The following RAB2A variants were observed in gnomAD, a reference collection of about 807,000 sequenced individuals.
RAB2A encodes the protein RAB2A, member RAS oncogene family.
In RAB2A, 7 loss-of-function variants were observed where a neutral mutation model predicts 32.5. The observed-to-expected ratio is 0.22, with a 90% CI of 0.12 to 0.40. RAB2A has a LOEUF of 0.40. Among genes scored for constraint, RAB2A ranks in the 10% least tolerant of loss-of-function variants. RAB2A has a pLI of 1.00. For missense variants in RAB2A, 108 were observed against 260.7 expected (o/e 0.41, Z 4.03); for synonymous variants, 79 against 85.2 (o/e 0.93, Z 0.40).
intron 1 of RAB2A, among the ~76,000 whole-genome samples, chr8:60,542,439 G>A (rs989484430): frequency 1.2e-4 from 18 of 152,124 alleles, no homozygotes; most frequent in African/African-American, 4.1e-4. Context: ...GCTTGAACCT[G>A]GGAGGCAGAG....
intron 6 of RAB2A, among the ~76,000 whole-genome samples, chr8:60,611,158 T>A (rs1804339934): frequency 6.6e-6 from 1 of 152,230 alleles, no homozygotes; most frequent in Non-Finnish European, 1.5e-5. Context: ...TCTTGGGTCA[T>A]TGCTCTGGAC....
At chr8:60,521,870 C>T (rs1807307189) in intron 1 of RAB2A, among the ~76,000 whole-genome samples, 1 of 152,184 alleles carries the variant, frequency 6.6e-6, no homozygotes. Flanking sequence ...GGTCCACTCA[C>T]CTCGGCCTCC....
chr8:60,558,640 A>G (rs772964857), intron 1 of RAB2A: 31 of 590,240 alleles, frequency 5.3e-5, no homozygotes, highest in Non-Finnish European at 8.2e-5. Flanking sequence ...TTAAATGTGT[A>G]AGAAAGGGTG....
At chr8:60,597,269 G>T (rs752740141) in intron 6 of RAB2A, among the ~76,000 whole-genome samples, 2 of 152,156 alleles carry the variant, frequency 1.3e-5, no homozygotes, top group Non-Finnish European at 2.9e-5. Flanking sequence ...GCCATAAAAA[G>T]GGATGAGTTC....
chr8:60,580,988 T>G (rs1803740091), intron 3 of RAB2A, among the ~76,000 whole-genome samples: 1 of 152,230 alleles, frequency 6.6e-6, no homozygotes, highest in South Asian at 2.1e-4. Flanking sequence ...GATTTTTATT[T>G]TGAACTAATA....
At chr8:60,553,737 G>C (rs936412450) in intron 1 of RAB2A, among the ~76,000 whole-genome samples, 2 of 152,172 alleles carry the variant, frequency 1.3e-5, no homozygotes, top group Non-Finnish European at 2.9e-5. Context: ...TTCTAATCAG[G>C]GTTTTGAGGC....
chr8:60,599,083 G>C (rs1804085602), intron 6 of RAB2A, among the ~76,000 whole-genome samples: 1 of 151,798 alleles, frequency 6.6e-6, no homozygotes, highest in Non-Finnish European at 1.5e-5. Flanking sequence ...GTTCAGCAAG[G>C]TTGCAGGATA....
chr8:60,544,148 G>A (rs773048148), intron 1 of RAB2A, among the ~76,000 whole-genome samples: 2 of 147,474 alleles, frequency 1.4e-5, no homozygotes, highest in South Asian at 2.1e-4. Flanking sequence ...CTGAAGTGTA[G>A]TGGCGTGATC....
intron 1 of RAB2A, among the ~76,000 whole-genome samples, chr8:60,547,519 C>T (rs1185493262): frequency 2.6e-5 from 4 of 151,294 alleles, no homozygotes; most frequent in South Asian, 2.1e-4. Context: ...GCTGGCCGGA[C>T]GGGGGGCTGA....
At chr8:60,590,817 AT>A (rs1803930528) in intron 5 of RAB2A, among the ~76,000 whole-genome samples, 1 of 151,526 alleles carries the variant, frequency 6.6e-6, no homozygotes, top group African/African-American at 2.4e-5. Flanking sequence ...CTACATCTGA[AT>A]TTTTAAAGAC....
chr8:60,549,467 G>A (rs527985948), intron 1 of RAB2A, among the ~76,000 whole-genome samples: 1 of 148,382 alleles, frequency 6.7e-6, no homozygotes, highest in African/African-American at 2.5e-5. Context: ...GCGAAACCCC[G>A]TCTCCACCAA....
rs935397441 is a variant in RAB2A at position 60,571,948 on chromosome 8, G to C, written c.119-98G>C. 3 of 772,906 alleles carry C rather than the reference G, an allele frequency of 3.9e-6. No individual in the cohort carries two copies. In the African/African-American group the frequency reaches 5.2e-5, roughly 13 times the overall value. 47.9% of individuals were successfully genotyped at this position (772,906 alleles called of 1,614,324 possible). ...TTAAAGTTGATCTGTATATTACCTA[G>C]CATAGCATGTCTTGGAAGTAAACAT... On this transcript the variant is annotated intron_variant, in intron 2 of 7. Transcript: ENST00000262646.
At chr8:60,591,798 C>T (rs1040731327) in intron 5 of RAB2A, 60 bp from the exon 6 acceptor site, 2 of 1,098,612 alleles carry the variant, frequency 1.8e-6, no homozygotes, top group African/African-American at 3.2e-5. Flanking sequence ...ACACTTTCCA[C>T]AAATGCTTCT....
chr8:60,570,062 G>A (rs1248091535), intron 2 of RAB2A: 5 of 455,820 alleles, frequency 1.1e-5, no homozygotes, highest in Non-Finnish European at 2.2e-5. Context: ...TCACAGGTCA[G>A]TTTCCGTATC....
intron 1 of RAB2A, among the ~76,000 whole-genome samples, chr8:60,522,512 A>C (rs1563457123): frequency 1.3e-5 from 2 of 152,200 alleles, no homozygotes; most frequent in African/African-American, 2.4e-5. Flanking sequence ...GGGTCCTCCT[A>C]CTTTCTTTTT....
chr8:60,547,664 C>T (rs1287966167), intron 1 of RAB2A, among the ~76,000 whole-genome samples: 50 of 117,092 alleles, frequency 4.3e-4, no homozygotes, highest in Middle Eastern at 4.9e-3. Context: ...CTGACCCCCC[C>T]ACCTCCCTCC....
At chr8:60,613,411 A>G (rs1804395207) in intron 6 of RAB2A, among the ~76,000 whole-genome samples, 1 of 152,178 alleles carries the variant, frequency 6.6e-6, no homozygotes, top group African/African-American at 2.4e-5. Flanking sequence ...AGTGGGCTAC[A>G]TTTATCTTTC....
chr8:60,529,456 G>A (rs562897102), intron 1 of RAB2A, among the ~76,000 whole-genome samples: 4 of 152,224 alleles, frequency 2.6e-5, no homozygotes, highest in South Asian at 2.1e-4. Flanking sequence ...CCCTCCCCGC[G>A]TGAATTTGGG....
chr8:60,533,296 C>T (rs1378457714), intron 1 of RAB2A, among the ~76,000 whole-genome samples: 2 of 152,198 alleles, frequency 1.3e-5, no homozygotes, highest in Admixed American at 6.5e-5. Context: ...TTCTGAAACT[C>T]TTGTTTTAAA....
Sources: gnomAD v4.1 joint callset for allele counts (sites outside exome capture counted in the v4.1 genomes callset) on GRCh38, gnomAD v4.1.1 for gene constraint, MANE v1.5 for transcripts, NCBI Gene and HGNC (gene_info 2026-07-23, HGNC 2026-07-21) for gene names.